Variants in MAP2K5 observed in about 807,000 individuals in gnomAD.
MAP2K5 encodes the protein mitogen-activated protein kinase kinase 5.
Under a neutral mutation model 83.1 loss-of-function variants are expected in MAP2K5, and 49 were observed. The ratio of observed to expected loss-of-function variants is 0.59; its 90% CI spans 0.47 to 0.75. The LOEUF is 0.75. Among genes scored for constraint, MAP2K5 ranks in the 30% least tolerant of loss-of-function variants. The pLI is 0.00. For synonymous variants in MAP2K5, 202 were observed against 191.8 expected (o/e 1.05, Z -0.44); for missense variants, 457 against 557.5 (o/e 0.82, Z 1.82).
rs1247063232 is a variant in MAP2K5 at position 67,736,739 on chromosome 15, G to A, written c.1074+8794G>A. On this transcript the variant is annotated intron_variant, in intron 17 of 21. Transcript: ENST00000178640. The surrounding 1 kb of genome is among the most constrained non-coding windows in gnomAD (Gnocchi z 4.3). ...ATAATCAATTTAGCCCCCAGAAATA[G>A]AATTGAAAGTTAATGAACTTGGTGT... 2.0e-5 allele frequency among the ~76,000 whole-genome samples: 3 copies of A among 152,282 alleles called. No homozygotes were observed. Among genetic ancestry groups the A allele is most frequent in the Non-Finnish European group, 2.9e-5 (2 of 68,026 alleles).
At chr15:67,583,597 A>G (rs2085229989) in intron 4 of MAP2K5, among the ~76,000 whole-genome samples, 1 of 152,148 alleles carries the variant, frequency 6.6e-6, no homozygotes, top group Non-Finnish European at 1.5e-5. Flanking sequence ...AAATTTACAT[A>G]ATCGACATGT....
Position 67,782,523 on chromosome 15 carries a change from G to A in MAP2K5, c.1242+9771G>A, listed in dbSNP as rs2090344905. Among the ~76,000 whole-genome samples the A allele has an allele frequency of 6.6e-6, 1 of 152,034 alleles. No individual in the cohort carries two copies. Among genetic ancestry groups the A allele is most frequent in the African/African-American group, 2.4e-5 (1 of 41,390 alleles). On this transcript the variant is annotated intron_variant, in intron 21 of 21. Coordinates refer to ENST00000178640, the MANE Select transcript of MAP2K5 (RefSeq NM_145160.3). This position sits in a 1 kb window ranked among gnomAD's most constrained non-coding sequence, Gnocchi z 4.9. Reference sequence around the variant, plus strand: ...ATTTTTTTTTCAGCGCCTCACAGTAGGCGCCTCTCTTCTCACAGTGACCAG... The same window carrying A: ...ATTTTTTTTTCAGCGCCTCACAGTAAGCGCCTCTCTTCTCACAGTGACCAG...
chr15:67,742,851 A>G (rs2089525083), intron 17 of MAP2K5, among the ~76,000 whole-genome samples: 1 of 152,240 alleles, frequency 6.6e-6, no homozygotes, highest in Admixed American at 6.5e-5. Flanking sequence ...AGCTATGTCA[A>G]TTTTAAATAC....
At chr15:67,635,397 G>A (rs1299467560) in intron 9 of MAP2K5, among the ~76,000 whole-genome samples, 1 of 151,940 alleles carries the variant, frequency 6.6e-6, no homozygotes, top group Non-Finnish European at 1.5e-5. Flanking sequence ...GGATGGTCTC[G>A]AACTCCTGAC....
At chr15:67,706,547 G>A (rs746976568) in intron 16 of MAP2K5, among the ~76,000 whole-genome samples, 7 of 152,182 alleles carry the variant, frequency 4.6e-5, no homozygotes, top group Admixed American at 3.9e-4. Context: ...GTAAGGAGCC[G>A]GGTGTTACAG....
intron 6 of MAP2K5, among the ~76,000 whole-genome samples, chr15:67,589,395 G>T (rs1443715983): frequency 2.6e-5 from 4 of 152,048 alleles, no homozygotes; most frequent in Admixed American, 6.5e-5. Flanking sequence ...ATTAAACTGG[G>T]TTTACTAATG....
intron 6 of MAP2K5, among the ~76,000 whole-genome samples, chr15:67,591,454 A>C (rs1316221397): frequency 6.6e-6 from 1 of 151,254 alleles, no homozygotes; most frequent in East Asian, 2.0e-4. Context: ...GGCTCACTGC[A>C]AGCTCTGCCT....
At position 67,720,741 on chromosome 15, in the gene MAP2K5, ATT is replaced by A. The variant is rs989955542; in HGVS notation, c.1045-7172_1045-7171del. Among the ~76,000 whole-genome samples the A allele has an allele frequency of 9.2e-5, 14 of 152,114 alleles. No individual in the cohort carries two copies. The highest frequency in any genetic ancestry group is 3.4e-4 in the African/African-American group (14 of 41,512). On this transcript the variant is annotated intron_variant, in intron 16 of 21. Transcript: ENST00000178640. The surrounding 1 kb of genome is among the most constrained non-coding windows in gnomAD (Gnocchi z 5.7). ...GACCATAACTTCCAGTAATTAGTGT[ATT>A]TTATGGGCCTTTGCTTCAGTGGCTC... is the stretch of plus-strand genomic sequence containing the variant.
At chr15:67,654,180 A>C (rs1377965313) in intron 11 of MAP2K5, among the ~76,000 whole-genome samples, 1 of 152,032 alleles carries the variant, frequency 6.6e-6, no homozygotes, top group Non-Finnish European at 1.5e-5. Flanking sequence ...CAGTTCTTTC[A>C]GTTTATGTTT....
rs953179254 is a variant in MAP2K5, at chr15:67,559,467, G to A, written c.185-3816G>A. On this transcript the variant is annotated intron_variant, in intron 2 of 21. Coordinates refer to ENST00000178640, the MANE Select transcript of MAP2K5 (RefSeq NM_145160.3). This position sits in a 1 kb window ranked among gnomAD's most constrained non-coding sequence, Gnocchi z 4.7. ...CTCTTCTTGGTTTTTCTTTTGGATT[G>A]CATGTTGCCTCAAATAAAATTGCTA... Among the ~76,000 whole-genome samples the A allele has an allele frequency of 2.6e-5, 4 of 152,066 alleles. No individual in the cohort carries two copies. Among genetic ancestry groups the A allele is most frequent in the African/African-American group, 9.7e-5 (4 of 41,384 alleles).
chr15:67,755,391 G>T lies in MAP2K5; in HGVS notation c.1134+6790G>T, dbSNP rs1487087218. Among the ~76,000 whole-genome samples the T allele has an allele frequency of 6.6e-6, 1 of 151,968 alleles. No homozygotes were observed. Among genetic ancestry groups the T allele is most frequent in the East Asian group, 1.9e-4 (1 of 5,192 alleles). ...CTTTGTTCAGTGTCACCCTCTTCTAGAACAGAAATATTAGCTGCCCCTTAG... is the reference window on the plus strand; with the variant it reads ...CTTTGTTCAGTGTCACCCTCTTCTATAACAGAAATATTAGCTGCCCCTTAG... On this transcript the variant is annotated intron_variant, in intron 19 of 21. Coordinates refer to ENST00000178640, the MANE Select transcript of MAP2K5 (RefSeq NM_145160.3). The surrounding 1 kb of genome is among the most constrained non-coding windows in gnomAD (Gnocchi z 4.7).
intron 9 of MAP2K5, chr15:67,642,602 C>T (rs7174461): frequency 1.1e-5 from 8 of 730,554 alleles, no homozygotes; most frequent in Non-Finnish European, 2.0e-5. Context: ...ACCCCAAGTA[C>T]AGGAAACAGC....
At chr15:67,689,625 A>C (rs2141197465) in intron 13 of MAP2K5, among the ~76,000 whole-genome samples, 1 of 152,360 alleles carries the variant, frequency 6.6e-6, no homozygotes, top group Non-Finnish European at 1.5e-5. Flanking sequence ...GAAAAGTCAT[A>C]CAGTAGGCTT....
Position 67,800,437 on chromosome 15 carries a change from T to C in MAP2K5, c.1243-6209T>C, listed in dbSNP as rs144376618. On this transcript the variant is annotated intron_variant, in intron 21 of 21. Transcript: ENST00000178640. ...CAAGGGCCAGTGGCAATCTCATACC[T>C]ACACACAGCTTATTTCTGTATATTG... 1.3e-3 allele frequency among the ~76,000 whole-genome samples: 201 copies of C among 152,350 alleles called. 1 individual carries two copies. Among genetic ancestry groups the C allele is most frequent in the African/African-American group, 4.6e-3 (193 of 41,568 alleles).
intron 17 of MAP2K5, among the ~76,000 whole-genome samples, chr15:67,741,615 G>C (rs1454365064): frequency 6.6e-6 from 1 of 152,090 alleles, no homozygotes; most frequent in Non-Finnish European, 1.5e-5. Context: ...TAGAGCTGGG[G>C]GTGAAGTCAT....
chr15:67,620,740 T>G (rs1164594279), intron 8 of MAP2K5, among the ~76,000 whole-genome samples: 1 of 152,222 alleles, frequency 6.6e-6, no homozygotes, highest in Non-Finnish European at 1.5e-5. Flanking sequence ...ATTTTTATAT[T>G]GTTTAGGAGA....
At chr15:67,582,814 T>C (rs867338831) in intron 4 of MAP2K5, among the ~76,000 whole-genome samples, 4 of 115,924 alleles carry the variant, frequency 3.5e-5, no homozygotes, top group Middle Eastern at 4.0e-3. Context: ...GAGCAATACA[T>C]TGTCTCAAAA....
At chr15:67,805,610 G>C (rs1221426008) in intron 21 of MAP2K5, among the ~76,000 whole-genome samples, 1 of 152,176 alleles carries the variant, frequency 6.6e-6, no homozygotes, top group East Asian at 1.9e-4. Context: ...GAGCTGGGGG[G>C]AGCGAGGAAG....
intron 17 of MAP2K5, among the ~76,000 whole-genome samples, chr15:67,743,496 T>G (rs1418192617): frequency 6.6e-6 from 1 of 152,254 alleles, no homozygotes; most frequent in Non-Finnish European, 1.5e-5. Context: ...TCTTCACATA[T>G]CAGTTTGCTA....
Sources: gnomAD v4.1 joint callset for allele counts (sites outside exome capture counted in the v4.1 genomes callset) on GRCh38, gnomAD v4.1.1 for gene constraint, Gnocchi (gnomAD v3.1) non-coding constraint, MANE v1.5 for transcripts, NCBI Gene and HGNC (gene_info 2026-07-23, HGNC 2026-07-21) for gene names.